ABHD3: variants seen among roughly 807,000 people sequenced by gnomAD.
ABHD3 encodes the protein abhydrolase domain containing 3, phospholipase, also known as phospholipase ABHD3.
A neutral mutation model predicts 48.8 loss-of-function variants in ABHD3; 46 were observed. The ratio of observed to expected loss-of-function variants is 0.94; its 90% confidence interval spans 0.74 to 1.20. The LOEUF (loss-of-function observed/expected upper bound fraction) is 1.20, where lower values mean the gene tolerates loss of function less well. ABHD3 is among the 50% of genes most tolerant of loss of function. ABHD3 has a pLI of 0.00. For missense variants in ABHD3, 490 were observed against 497.8 expected, an observed-to-expected ratio of 0.98 and a Z score of 0.15; for synonymous variants, 192 against 183.7, an observed-to-expected ratio of 1.04 and a Z score of -0.36.
intron 4 of ABHD3, among the ~76,000 whole-genome samples, chr18:21,666,872 G>A (rs1216305563): frequency 1.3e-5 from 2 of 152,102 alleles, no homozygotes; most frequent in South Asian, 2.1e-4. Context: ...ATATGTGAGT[G>A]TGTGTGTCAG....
chr18:21,659,677 G>GT (rs2039440964), intron 5 of ABHD3, among the ~76,000 whole-genome samples: 1 of 150,834 alleles, frequency 6.6e-6, no homozygotes, highest in Admixed American at 6.6e-5. Context: ...TTTTTTGTGT[G>GT]TGTGTGTTTG....
chr18:21,698,397 G>T (rs1365159775), intron 3 of ABHD3, among the ~76,000 whole-genome samples: 1 of 151,890 alleles, frequency 6.6e-6, no homozygotes, highest in East Asian at 1.9e-4. Flanking sequence ...ATGTTGGCCA[G>T]GCTGGTCTTC....
chr18:21,698,061 T>G (rs189424702), intron 3 of ABHD3, among the ~76,000 whole-genome samples: 1 of 152,300 alleles, frequency 6.6e-6, no homozygotes, highest in Non-Finnish European at 1.5e-5. Context: ...ATGTTCATAC[T>G]GAAGATACTG....
At chr18:21,699,512 C>T (rs1285190581) in intron 3 of ABHD3, among the ~76,000 whole-genome samples, 1 of 152,170 alleles carries the variant, frequency 6.6e-6, no homozygotes, top group Non-Finnish European at 1.5e-5. Context: ...AACTACCTGG[C>T]TTTCTGTGGT....
At chr18:21,700,895 GTGAACCA>G (rs1170538828) in intron 3 of ABHD3, among the ~76,000 whole-genome samples, 1 of 132,876 alleles carries the variant, frequency 7.5e-6, no homozygotes, top group African/African-American at 2.9e-5. Context: ...AGAGACTGCA[GTGAACCA>G]TGATCATGCC....
In ABHD3 at chr18:21,683,325, GA is replaced by G. The variant is rs953643024; in HGVS notation, c.555+594del. Among the ~76,000 whole-genome samples the G allele has an allele frequency of 8.6e-5, 13 of 151,712 alleles. No homozygotes were observed. In the East Asian group the frequency reaches 1.5e-3, roughly 18 times the overall value. The stretch of plus-strand genomic sequence containing the variant: ...TAGCAAAAACTCAGAATTAGAGGGG[GA>G]AAAAAAGACCTGATATAAATTTTAA... On this transcript the variant is annotated intron_variant, in intron 4 of 8. Coordinates refer to ENST00000289119, the MANE Select transcript of ABHD3 (RefSeq NM_138340.5).
chr18:21,687,402 A>C (rs1449783299), intron 3 of ABHD3, among the ~76,000 whole-genome samples: 1 of 151,844 alleles, frequency 6.6e-6, no homozygotes, highest in Non-Finnish European at 1.5e-5. Flanking sequence ...TAGTAGCGAC[A>C]GGGTTTCACC....
At chr18:21,659,402 C>A in intron 5 of ABHD3, 59 bp from the exon 6 acceptor site, 1 of 1,504,390 alleles carries the variant, frequency 6.6e-7, no homozygotes. Context: ...AGAAGACATC[C>A]ATTTCTAACT....
At chr18:21,655,735 GA>G (rs2039331426) in intron 8 of ABHD3, among the ~76,000 whole-genome samples, 2 of 151,584 alleles carry the variant, frequency 1.3e-5, no homozygotes, top group Admixed American at 1.3e-4. Context: ...AGCTACTTGG[GA>G]AGCTGAGGCA....
At chr18:21,671,637 G>A (rs886494610) in intron 4 of ABHD3, among the ~76,000 whole-genome samples, 2 of 152,028 alleles carry the variant, frequency 1.3e-5, no homozygotes, top group African/African-American at 2.4e-5. Flanking sequence ...GGTGGGATGA[G>A]GATGGGAAAA....
chr18:21,700,336 C>T (rs1394822341), intron 3 of ABHD3, among the ~76,000 whole-genome samples: 1 of 152,102 alleles, frequency 6.6e-6, no homozygotes, highest in Admixed American at 6.6e-5. Flanking sequence ...GTGATCTGTC[C>T]GCCTTGACCT....
chr18:21,703,539 A>C, intron 2 of ABHD3, 45 bp downstream of exon 2: 5 of 1,582,578 alleles, frequency 3.2e-6, no homozygotes, highest in Non-Finnish European at 4.3e-6. Context: ...GCAAACAAAC[A>C]ACCTGTGATT....
In ABHD3 at chr18:21,659,193, G is replaced by A. The variant is rs61729089; in HGVS notation, c.819C>T (p.Thr273=). The A allele has an allele frequency of 2.8e-3, 4,518 of 1,613,514 alleles. 114 individuals are homozygous for A. The African/African-American group carries it at 0.053, about 19-fold the overall frequency. Residue 273 remains threonine, a synonymous_variant, in exon 6 of 9, where the codon ACC becomes ACT. Coordinates refer to ENST00000289119, the MANE Select transcript of ABHD3 (RefSeq NM_138340.5). ...NWLLFNYYLT[T]CLQSSVNKHR... is the part of the protein sequence containing the mutation. ...ACTTATTAACTGAAGACTGAAGGCA[G>A]GTTGTCAAATAGTAATTAAAAAGTA...
chr18:21,699,048 C>T (rs532511190), intron 3 of ABHD3, among the ~76,000 whole-genome samples: 4 of 152,074 alleles, frequency 2.6e-5, no homozygotes, highest in Non-Finnish European at 4.4e-5. Flanking sequence ...ATTCTCGTGT[C>T]TTAAGATTCC....
At chr18:21,700,039 T>C in intron 3 of ABHD3, among the ~76,000 whole-genome samples, 1 of 152,258 alleles carries the variant, frequency 6.6e-6, no homozygotes, top group Non-Finnish European at 1.5e-5. Context: ...CTCCAGAGCT[T>C]ATAAGACTCA....
At chr18:21,665,761 G>A (rs905339403) in intron 4 of ABHD3, among the ~76,000 whole-genome samples, 1 of 150,900 alleles carries the variant, frequency 6.6e-6, no homozygotes, top group Non-Finnish European at 1.5e-5. Flanking sequence ...GCAGTGAGCT[G>A]AGATCACGCC....
rs1456851435 is a variant in ABHD3 at position 21,700,407 on chromosome 18, A to AT, written c.509+1908dup. ...ACCTGGCCCAAATTTTTTTGTTTTT[A>AT]TTTTTTTTGAGACGGAGTTTTGCTC... is the stretch of plus-strand genomic sequence containing the variant. On this transcript the variant is annotated intron_variant, in intron 3 of 8. Transcript: ENST00000289119. Among the ~76,000 whole-genome samples, 18 of 129,366 alleles carry AT rather than the reference A, an allele frequency of 1.4e-4. No homozygotes were observed. The South Asian group carries it at 1.9e-3, about 14-fold the overall frequency. 84.9% of individuals were successfully genotyped at this position (129,366 alleles called of 152,430 possible).
chr18:21,698,166 A>G (rs180969212), intron 3 of ABHD3, among the ~76,000 whole-genome samples: 40 of 151,876 alleles, frequency 2.6e-4, no homozygotes, highest in African/African-American at 9.4e-4. Flanking sequence ...GCTTGTACTC[A>G]TTCTTTTGAA....
At chr18:21,659,784 T>G (rs2035955874) in intron 5 of ABHD3, among the ~76,000 whole-genome samples, 2 of 151,990 alleles carry the variant, frequency 1.3e-5, no homozygotes, top group African/African-American at 4.8e-5. Context: ...TTATCCTGCC[T>G]CAGCCTCCCG....
Sources: allele counts gnomAD v4.1 joint callset (sites outside exome capture counted in the v4.1 genomes callset), GRCh38; gene constraint gnomAD v4.1.1; transcripts MANE v1.5; gene names NCBI Gene and HGNC (gene_info 2026-07-23, HGNC 2026-07-21).